NOL12: variants seen among roughly 807,000 people sequenced by gnomAD.
NOL12 encodes nucleolar protein 12.
NOL12 carries 21 observed loss-of-function variants against 25.2 expected under a neutral mutation model. The observed-to-expected ratio is 0.83, with a 90% CI of 0.59 to 1.20. The LOEUF is 1.20. Among genes scored for constraint, NOL12 ranks in the 50% most tolerant of loss-of-function variants. The probability of loss-of-function intolerance (pLI) is 0.00; values close to 1 mark genes in which losing one functional copy is unlikely to be tolerated. For missense variants in NOL12, 286 were observed against 287.6 expected (o/e 0.99, Z 0.04); for synonymous variants, 133 against 113.8 (o/e 1.17, Z -1.08).
chr22:37,689,880 T>C (rs531502350), intron 4 of NOL12, among the ~76,000 whole-genome samples: 2 of 151,772 alleles, frequency 1.3e-5, no homozygotes, highest in East Asian at 3.9e-4. Flanking sequence ...AGTAAAAAAA[T>C]TAGCCAGGGG....
chr22:37,691,525 C>A lies in NOL12; in HGVS notation c.*189C>A. 3.3e-6 allele frequency: 2 copies of A among 615,324 alleles called. No individual in the cohort carries two copies. The highest frequency in any genetic ancestry group is 5.1e-6 in the Non-Finnish European group (2 of 388,724). 38.1% of individuals were successfully genotyped at this position (615,324 alleles called of 1,614,324 possible). A position where few individuals can be genotyped will look rare whatever the true frequency, so the allele number is the denominator to read the frequency against. ...GCTGCCTTTGCCTGGGGTTTGAATT[C>A]CCGAAGGAGCAGGCAGCTGAGAGCA... On this transcript the variant is annotated 3_prime_UTR_variant, in exon 6 of 6. Transcript: ENST00000359114.
chr22:37,686,551 T>C (rs1921823647), intron 1 of NOL12, 76 bp downstream of exon 1: 2 of 1,439,604 alleles, frequency 1.4e-6, no homozygotes, highest in Non-Finnish European at 1.8e-6. Context: ...CCGAGCACGC[T>C]CCCGCCGGGG....
intron 3 of NOL12, 114 bp downstream of exon 3, chr22:37,688,474 C>G (rs927286305): frequency 1.8e-6 from 2 of 1,130,070 alleles, no homozygotes; most frequent in African/African-American, 1.5e-5. Flanking sequence ...TTGGGGGGTA[C>G]CCTGGGGCCA....
chr22:37,688,699 C>G (rs1921928195), intron 3 of NOL12, 151 bp from the exon 4 acceptor site: 1 of 744,716 alleles, frequency 1.3e-6, no homozygotes, highest in Admixed American at 2.5e-5. Flanking sequence ...TCACAACATT[C>G]ATCCACAGAC....
chr22:37,686,644 C>T (rs183835512), intron 1 of NOL12, 169 bp downstream of exon 1: 2 of 985,282 alleles, frequency 2.0e-6, no homozygotes, highest in African/African-American at 3.5e-5. Flanking sequence ...CCTTCTCGGC[C>T]GCCACCTTCT....
chr22:37,692,388 T>G lies in NOL12; in HGVS notation c.*1052T>G, dbSNP rs16998437. 1.0e-2 allele frequency: 3,972 copies of G among 398,120 alleles called. 148 individuals carry two copies. The highest frequency in any genetic ancestry group is 0.075 in the African/African-American group (3,652 of 48,714). The allele number at this position is 398,120 out of a possible 1,614,324, so 24.7% of individuals were successfully genotyped here. A position where few individuals can be genotyped will look rare whatever the true frequency, so the allele number is the denominator to read the frequency against. On this transcript the variant is annotated 3_prime_UTR_variant, in exon 6 of 6. Transcript: ENST00000359114. ...ACTAAAAAATAAAGCAGTTGCATCT[T>G]GACTCGTACAAAAGTAGCCCCCACC...
intron 1 of NOL12, chr22:37,687,016 G>A (rs1441047620): frequency 1.0e-6 from 1 of 985,316 alleles, no homozygotes; most frequent in Non-Finnish European, 1.2e-6. Context: ...GCACTGTGGA[G>A]ATGAGAAGGG....
Position 37,686,478 on chromosome 22 carries a change from G to T in NOL12, c.83+3G>T, listed in dbSNP as rs1921819162. 2 of 1,596,156 alleles carry T rather than the reference G, an allele frequency of 1.3e-6. No homozygotes were observed. Among genetic ancestry groups the T allele is most frequent in the South Asian group, 1.1e-5 (1 of 88,170 alleles). On this transcript the variant is annotated splice_donor_region_variant and intron_variant, in intron 1 of 5. Transcript: ENST00000359114. Reference sequence around the variant, plus strand: ...AGCTTCGACGAGGAGAAGAGGCGGTGAGTGGCAAAGCCGGACCGGACTCCC... The same window carrying T: ...AGCTTCGACGAGGAGAAGAGGCGGTTAGTGGCAAAGCCGGACCGGACTCCC...
rs752588008 is a variant in NOL12, at chr22:37,688,021, C to CA, written c.189+7dup. The CA allele has an allele frequency of 3.2e-6, 5 of 1,541,782 alleles. No individual in the cohort carries two copies. The highest frequency in any genetic ancestry group is 3.5e-6 in the Non-Finnish European group (4 of 1,135,656). On this transcript the variant is annotated splice_region_variant and intron_variant, in intron 2 of 5. Coordinates refer to ENST00000359114, the MANE Select transcript of NOL12 (RefSeq NM_024313.3). ...AGAGGAAGCTTCGGGAGGAGGTACG[C>CA]AGGGGGAAGGTGGGAGGGAGGTCTT...
chr22:37,688,487 G>A (rs1921922304), intron 3 of NOL12, 127 bp downstream of exon 3: 3 of 983,118 alleles, frequency 3.1e-6, no homozygotes, highest in Non-Finnish European at 4.8e-6. Context: ...TGGGGCCAGG[G>A]GTGGTCCTAA....
At chr22:37,688,159 TGGGCCCGGGTCTGG>T in intron 2 of NOL12, 139 bp from the exon 3 acceptor site, 1 of 1,059,836 alleles carries the variant, frequency 9.4e-7, no homozygotes, top group Non-Finnish European at 1.4e-6. Flanking sequence ...GGAGACTCTG[TGGGCCCGGGTCTGG>T]GAGTGATGGA....
intron 4 of NOL12, 118 bp downstream of exon 4, chr22:37,689,110 G>T (rs960359299): frequency 4.0e-6 from 5 of 1,263,622 alleles, no homozygotes; most frequent in Non-Finnish European, 5.6e-6. Context: ...AAGAAGGGGC[G>T]TGGGGGCAGA....
In NOL12 at chr22:37,693,287, G is replaced by GA. The variant is rs1922150367; in HGVS notation, c.*1952dup. On this transcript the variant is annotated 3_prime_UTR_variant, in exon 6 of 6. Coordinates refer to ENST00000359114, the MANE Select transcript of NOL12 (RefSeq NM_024313.3). ...TAGGGCTGCCCCGAGACTAAAATAA[G>GA]ACCATGTGCATGAACCACTTACCAA... 1 of 152,468 alleles carries GA rather than the reference G, an allele frequency of 6.6e-6. No individual in the cohort carries two copies. The highest frequency in any genetic ancestry group is 2.1e-4 in the South Asian group (1 of 4,834). 9.4% of individuals were successfully genotyped at this position (152,468 alleles called of 1,614,324 possible). A position where few individuals can be genotyped will look rare whatever the true frequency, so the allele number is the denominator to read the frequency against.
At chr22:37,687,812 G>C in intron 1 of NOL12, 98 bp from the exon 2 acceptor site, 1 of 855,294 alleles carries the variant, frequency 1.2e-6, no homozygotes, top group South Asian at 1.5e-5. Flanking sequence ...ATGGTGCCTA[G>C]CACATAGTGA....
chr22:37,692,643 G>C lies in NOL12; in HGVS notation c.*1307G>C. 2.5e-6 allele frequency: 1 copy of C among 398,802 alleles called. No homozygotes were observed. The highest frequency in any genetic ancestry group is 4.4e-6 in the Non-Finnish European group (1 of 226,188). The allele number at this position is 398,802 out of a possible 1,614,324, so 24.7% of individuals were successfully genotyped here. Reference sequence around the variant, plus strand: ...TTCCCAGGGCTTGCTGACGCCCGTGGACTATGGAGTCAGGATGACAGGACA... The same window carrying C: ...TTCCCAGGGCTTGCTGACGCCCGTGCACTATGGAGTCAGGATGACAGGACA... On this transcript the variant is annotated 3_prime_UTR_variant, in exon 6 of 6. Coordinates refer to ENST00000359114, the MANE Select transcript of NOL12 (RefSeq NM_024313.3).
chr22:37,687,180 G>T (rs1921853281), intron 1 of NOL12: 1 of 797,126 alleles, frequency 1.3e-6, no homozygotes, highest in African/African-American at 1.9e-5. Flanking sequence ...GGTCTGGATG[G>T]TGGTGGCCCT....
At chr22:37,691,143 T>A in intron 5 of NOL12, 31 bp from the exon 6 acceptor site, 1 of 1,581,094 alleles carries the variant, frequency 6.3e-7, no homozygotes, top group South Asian at 1.1e-5. Context: ...CACAATGCAA[T>A]CTTAAACTGA....
intron 3 of NOL12, 58 bp from the exon 4 acceptor site, chr22:37,688,792 G>GCTGGAGC: frequency 6.3e-7 from 1 of 1,599,808 alleles, no homozygotes; most frequent in Non-Finnish European, 8.6e-7. Flanking sequence ...CGGGAGGGAG[G>GCTGGAGC]CTGGAGCCTG....
Position 37,691,664 on chromosome 22 carries a change from G to T in NOL12, c.*328G>T, listed in dbSNP as rs555278516. ...GTGATTTGTTTGTCCTTGATACCACGCACAAGGGCAGGTTTTTGGGGTGGT... is the reference window on the plus strand; with the variant it reads ...GTGATTTGTTTGTCCTTGATACCACTCACAAGGGCAGGTTTTTGGGGTGGT... On this transcript the variant is annotated 3_prime_UTR_variant, in exon 6 of 6. Transcript: ENST00000359114. 6.1e-5 allele frequency: 17 copies of T among 280,952 alleles called. No homozygotes were observed. The South Asian group carries it at 1.9e-3, about 32-fold the overall frequency. The allele number at this position is 280,952 out of a possible 1,614,324, so 17.4% of individuals were successfully genotyped here.
Sources: allele counts gnomAD v4.1 joint callset (sites outside exome capture counted in the v4.1 genomes callset), GRCh38; gene constraint gnomAD v4.1.1; transcripts MANE v1.5; gene names NCBI Gene and HGNC (gene_info 2026-07-23, HGNC 2026-07-21).